The following FMR1 variants were observed in gnomAD, a reference collection of about 807,000 sequenced individuals.
FMR1 encodes the protein FMRP translational regulator 1.
Under a neutral mutation model 50.6 loss-of-function variants are expected in FMR1, and 13 were observed. That is an observed-to-expected ratio of 0.26 (90% CI 0.17 to 0.41). The LOEUF (loss-of-function observed/expected upper bound fraction) is 0.41. FMR1 is among the 10% of genes least tolerant of loss of function. FMR1 has a pLI of 1.00. For missense variants in FMR1, 316 were observed against 491.3 expected (o/e 0.64, Z 3.37); for synonymous variants, 138 against 164.1 (o/e 0.84, Z 1.22).
At chrX:147,936,656 T>C (rs782163090) in intron 10 of FMR1, 43 bp downstream of exon 10, 3 of 829,489 alleles carry the variant, frequency 3.6e-6, no homozygotes, top group Non-Finnish European at 3.6e-6. Flanking sequence ...ATAATAAAAG[T>C]AAAAGTTTTT....
chrX:147,945,081 T>G (rs1557181687), intron 15 of FMR1, 30 bp downstream of exon 15: 1 of 1,166,098 alleles, frequency 8.6e-7, no homozygotes, highest in Admixed American at 2.6e-5. Flanking sequence ...GAAATCAAAG[T>G]GAATTGTAAC....
intron 1 of FMR1, chrX:147,914,535 CAAAT>C (rs782598396): frequency 1.8e-5 from 2 of 112,077 alleles, no homozygotes; most frequent in Admixed American, 9.4e-5. Context: ...TAAAACTAAA[CAAAT>C]CAAACAACTT....
chrX:147,926,734 C>T (rs369306130), intron 3 of FMR1, among the ~76,000 whole-genome samples: 2 of 111,059 alleles, frequency 1.8e-5, no homozygotes, highest in East Asian at 5.6e-4. Context: ...GTGATCCACT[C>T]GCCTCGGCCT....
At position 147,945,004 on chromosome X, in the gene FMR1, G is replaced by C; in HGVS notation, c.1607G>C (p.Gly536Ala). Residue 536 changes from glycine to alanine, a missense_variant, in exon 15 of 17, where the codon GGG becomes GCG. Transcript: ENST00000370475. Reference sequence around the variant, plus strand: ...AGAGGAGACGGACGGCGGCGTGGAGGGGGAGGAAGAGGACAAGGAGGAAGA... The same window carrying C: ...AGAGGAGACGGACGGCGGCGTGGAGCGGGAGGAAGAGGACAAGGAGGAAGA... ...LRRGDGRRRG[G>A]GGRGQGGRGR... 3 of 1,197,998 alleles carry C rather than the reference G, an allele frequency of 2.5e-6. No individual in the cohort carries two copies. The highest frequency in any genetic ancestry group is 2.3e-4 in the Middle Eastern group (1 of 4,331).
At chrX:147,930,974 A>G (rs782637135) in intron 7 of FMR1, 3 of 112,449 alleles carry the variant, frequency 2.7e-5, no homozygotes, top group African/African-American at 9.7e-5. Flanking sequence ...GGTAGTCAAG[A>G]CTGTGTTCTT....
chrX:147,916,615 TCTTTC>T (rs1327263169), intron 1 of FMR1, among the ~76,000 whole-genome samples: 2 of 111,654 alleles, frequency 1.8e-5, no homozygotes, highest in Non-Finnish European at 3.8e-5. Context: ...CTTCCTTTTT[TCTTTC>T]CTTTTCTTTT....
At chrX:147,924,980 G>A (rs1457748109) in intron 2 of FMR1, 4 of 122,043 alleles carry the variant, frequency 3.3e-5, no homozygotes, top group Non-Finnish European at 5.0e-5. Flanking sequence ...TGCTGATAAC[G>A]TCATACTGAT....
At position 147,949,217 on chromosome X, in the gene FMR1, A is replaced by T. The variant is rs1603049870; in HGVS notation, c.*373A>T. On this transcript the variant is annotated 3_prime_UTR_variant, in exon 17 of 17. Transcript: ENST00000370475. Reference sequence around the variant, plus strand: ...TTAATATATAGCATTTATGGTAATCATATTAGACTTCTGTTTTCAATCTCG... The same window carrying T: ...TTAATATATAGCATTTATGGTAATCTTATTAGACTTCTGTTTTCAATCTCG... The T allele has an allele frequency of 2.9e-6, 1 of 339,106 alleles. No individual in the cohort carries two copies. Among genetic ancestry groups the T allele is most frequent in the South Asian group, 2.6e-5 (1 of 38,445 alleles). The allele number at this position is 339,106 out of a possible 1,213,427, so 27.9% of individuals were successfully genotyped here.
intron 3 of FMR1, 53 bp from the exon 4 acceptor site, chrX:147,928,269 G>C: frequency 9.3e-7 from 1 of 1,079,289 alleles, no homozygotes; most frequent in Non-Finnish European, 1.3e-6. Context: ...AAAATCTGTA[G>C]ATTTCAAAAT....
At chrX:147,916,276 CTG>C (rs1374250081) in intron 1 of FMR1, among the ~76,000 whole-genome samples, 3 of 112,358 alleles carry the variant, frequency 2.7e-5, no homozygotes, top group African/African-American at 9.7e-5. Flanking sequence ...GCACATGTCT[CTG>C]TTGTCTTTTG....
At chrX:147,932,398 A>G (rs782485814) in intron 7 of FMR1, 27 bp from the exon 8 acceptor site, 10 of 1,188,786 alleles carry the variant, frequency 8.4e-6, no homozygotes, top group Non-Finnish European at 1.1e-5. Context: ...GATAAAGTGT[A>G]TTCATCAGAC....
chrX:147,932,865 A>G, intron 9 of FMR1, 102 bp downstream of exon 9: 1 of 544,320 alleles, frequency 1.8e-6, no homozygotes, highest in Non-Finnish European at 3.2e-6. Flanking sequence ...GGAGGGTATC[A>G]TTTAATTGAA....
At position 147,932,668 on chromosome X, in the gene FMR1, G is replaced by T; in HGVS notation, c.802-17G>T. 8.3e-7 allele frequency: 1 copy of T among 1,203,275 alleles called. No homozygotes were observed. Among genetic ancestry groups the T allele is most frequent in the Non-Finnish European group, 1.1e-6 (1 of 888,301 alleles). ...GCTGGCTAATCTTTTGTCTTAAAAT[G>T]TTTCCCCTTTTATTAGGATCAGGAT... On this transcript the variant is annotated splice_polypyrimidine_tract_variant and intron_variant, in intron 8 of 16. Transcript: ENST00000370475.
intron 12 of FMR1, among the ~76,000 whole-genome samples, chrX:147,939,925 G>A (rs1160037471): frequency 9.9e-6 from 1 of 100,969 alleles, no homozygotes; most frequent in Non-Finnish European, 2.0e-5. Flanking sequence ...AAAAAAAGAG[G>A]CGGAGGCGGG....
intron 16 of FMR1, chrX:147,948,444 C>G: frequency 9.8e-7 from 1 of 1,018,299 alleles, no homozygotes; most frequent in Non-Finnish European, 1.3e-6. Flanking sequence ...GAGTTTTTCT[C>G]TAACTTTGGA....
At chrX:147,946,937 C>T (rs1298967351) in intron 16 of FMR1, 2 of 112,074 alleles carry the variant, frequency 1.8e-5, no homozygotes, top group South Asian at 3.7e-4. Flanking sequence ...ACTGTATGTA[C>T]CTGTCTTTTA....
chrX:147,938,348 A>G (rs1234516501), intron 12 of FMR1, among the ~76,000 whole-genome samples, 187 bp downstream of exon 12: 2 of 111,522 alleles, frequency 1.8e-5, no homozygotes, highest in African/African-American at 6.5e-5. Context: ...GCTTTTCCTA[A>G]TTACTTGTCT....
At chrX:147,923,255 A>C (rs782061895) in intron 2 of FMR1, among the ~76,000 whole-genome samples, 4 of 112,041 alleles carry the variant, frequency 3.6e-5, no homozygotes, top group Non-Finnish European at 7.5e-5. Flanking sequence ...TCGCAGACCA[A>C]AATACAAGTT....
rs2044294008 is a variant in FMR1, at chrX:147,950,615, A to G, written c.*1771A>G. ...TATTTTGTATGCAAGCAGTTTCAAT[A>G]AAGTTTGATCTTCCTCTGCTAAATT... is the stretch of plus-strand genomic sequence containing the variant. On this transcript the variant is annotated 3_prime_UTR_variant, in exon 17 of 17. Transcript: ENST00000370475. 2 of 328,013 alleles carry G rather than the reference A, an allele frequency of 6.1e-6. No individual in the cohort carries two copies. The highest frequency in any genetic ancestry group is 2.6e-5 in the African/African-American group (1 of 37,782). 27.0% of individuals were successfully genotyped at this position (328,013 alleles called of 1,213,427 possible). A position where few individuals can be genotyped will look rare whatever the true frequency, so the allele number is the denominator to read the frequency against.
Sources: gnomAD v4.1 joint callset for allele counts (sites outside exome capture counted in the v4.1 genomes callset) on GRCh38, gnomAD v4.1.1 for gene constraint, MANE v1.5 for transcripts, NCBI Gene and HGNC (gene_info 2026-07-23, HGNC 2026-07-21) for gene names.